The following DNAH5 variants were observed in gnomAD, a reference collection of about 807,000 sequenced individuals.
DNAH5 encodes dynein axonemal heavy chain 5.
Under a neutral mutation model 518.2 loss-of-function variants are expected in DNAH5, and 372 were observed. That is an observed-to-expected ratio of 0.72 (90% CI 0.66 to 0.78). The LOEUF (loss-of-function observed/expected upper bound fraction) is 0.78, where lower values mean the gene tolerates loss of function less well. Ranked by LOEUF, DNAH5 falls within the 30% of genes least tolerant of loss-of-function variation. The probability of loss-of-function intolerance (pLI) is 0.00; values close to 1 mark genes in which losing one functional copy is unlikely to be tolerated. For missense variants in DNAH5, 5,523 were observed against 5,687.0 expected (o/e 0.97, Z 0.93); for synonymous variants, 2,039 against 2,025.9 (o/e 1.01, Z -0.17).
At chr5:13,804,640 T>C (rs1225178004) in intron 47 of DNAH5, among the ~76,000 whole-genome samples, 2 of 152,206 alleles carry the variant, frequency 1.3e-5, no homozygotes, top group African/African-American at 2.4e-5. Flanking sequence ...GAGTGGATGA[T>C]CCTGTGATGC....
intron 29 of DNAH5, among the ~76,000 whole-genome samples, chr5:13,862,021 G>A (rs1039516254): frequency 4.3e-5 from 6 of 139,400 alleles, no homozygotes; most frequent in South Asian, 4.7e-4. Flanking sequence ...ATAAAAAATA[G>A]AGTATGTAAA....
At chr5:13,983,520 C>T (rs758968351) in intron 1 of DNAH5, among the ~76,000 whole-genome samples, 6 of 152,310 alleles carry the variant, frequency 3.9e-5, no homozygotes, top group Admixed American at 6.5e-5. Flanking sequence ...ATCAGTGTGA[C>T]GATGCTGCCC....
chr5:13,944,229 C>G (rs977863031), intron 1 of DNAH5, among the ~76,000 whole-genome samples, 153 bp downstream of exon 1: 1 of 152,160 alleles, frequency 6.6e-6, no homozygotes, highest in African/African-American at 2.4e-5. Context: ...AATATGTAGC[C>G]TATGCACCAG....
chr5:13,705,274 T>C (rs1298540894), intron 76 of DNAH5, among the ~76,000 whole-genome samples: 1 of 152,308 alleles, frequency 6.6e-6, no homozygotes, highest in East Asian at 1.9e-4. Context: ...ATTACAGGCA[T>C]GAGCCACTGC....
intron 35 of DNAH5, among the ~76,000 whole-genome samples, chr5:13,835,761 C>A (rs1358972699): frequency 6.6e-6 from 1 of 152,082 alleles, no homozygotes; most frequent in Admixed American, 6.5e-5. Context: ...GAGCACCCCT[C>A]CCTCTGTCTC....
At chr5:13,722,395 G>C (rs1468999525) in intron 70 of DNAH5, among the ~76,000 whole-genome samples, 1 of 152,168 alleles carries the variant, frequency 6.6e-6, no homozygotes, top group Non-Finnish European at 1.5e-5. Flanking sequence ...CTTACAAATT[G>C]GTGCGATGTT....
chr5:13,879,423 T>A (rs1487141622), intron 21 of DNAH5, among the ~76,000 whole-genome samples: 3 of 152,122 alleles, frequency 2.0e-5, no homozygotes, highest in African/African-American at 7.2e-5. Flanking sequence ...TAAGTCAAAC[T>A]ATTCTAAGTA....
intron 2 of DNAH5, among the ~76,000 whole-genome samples, chr5:13,929,365 G>A (rs1168855607): frequency 6.6e-6 from 1 of 152,170 alleles, no homozygotes; most frequent in Non-Finnish European, 1.5e-5. Flanking sequence ...GTAGTTTAAT[G>A]GGTACAGCGT....
chr5:13,694,248 T>A (rs1741069217), intron 78 of DNAH5, among the ~76,000 whole-genome samples: 1 of 152,242 alleles, frequency 6.6e-6, no homozygotes. Flanking sequence ...AATAATTTTC[T>A]GAAATATTTA....
chr5:13,708,107 G>A lies in DNAH5; in HGVS notation c.13338+16C>T, dbSNP rs115271897. The A allele has an allele frequency of 1.8e-3, 2,980 of 1,612,412 alleles. 39 individuals are homozygous for A. The African/African-American group carries it at 0.032, about 17-fold the overall frequency. On this transcript the variant is annotated intron_variant, in intron 76 of 78. Transcript: ENST00000265104. Reference sequence around the variant, plus strand: ...TCATAAGTGAACAGGCAGAATAACAGCAGGCTTATACGTACTTTTTTCCAC... The same window carrying A: ...TCATAAGTGAACAGGCAGAATAACAACAGGCTTATACGTACTTTTTTCCAC...
rs747335816 is a variant in DNAH5, at chr5:13,751,233, C to T, written c.11056G>A (p.Val3686Met). 11 of 1,613,626 alleles carry T rather than the reference C, an allele frequency of 6.8e-6. No homozygotes were observed. The highest frequency in any genetic ancestry group is 1.7e-4 in the Middle Eastern group (1 of 6,022). Reference sequence around the variant, plus strand: ...ATGTAGAGTCTAAAGCCATCCAACACATCTACTTCCTTGTCACCAACTTTC... The same window carrying T: ...ATGTAGAGTCTAAAGCCATCCAACATATCTACTTCCTTGTCACCAACTTTC... ...KVKVGDKEVDVLDGFRLYITT... is the reference protein window; with the variant it reads ...KVKVGDKEVDMLDGFRLYITT... The change falls in exon 65 of 79, where the codon GTG (valine) becomes ATG (methionine). Residue 3686 changes from valine to methionine, a missense_variant. Around this residue, in one of 3 missense-constraint regions of DNAH5, gnomAD observed 5,121 missense variants for 5,223.3 expected, o/e 0.98. Transcript: ENST00000265104.
chr5:13,762,134 A>G (rs1751869728), intron 60 of DNAH5, among the ~76,000 whole-genome samples: 1 of 152,222 alleles, frequency 6.6e-6, no homozygotes, highest in African/African-American at 2.4e-5. Context: ...TTTTAATGGT[A>G]GAGGAATATG....
chr5:13,951,635 A>G (rs1240684037), intron 1 of DNAH5, among the ~76,000 whole-genome samples: 1 of 152,128 alleles, frequency 6.6e-6, no homozygotes, highest in Non-Finnish European at 1.5e-5. Flanking sequence ...GGTTTTGAAG[A>G]CATCAAGCAG....
At chr5:13,820,027 G>A (rs758515576) in intron 41 of DNAH5, among the ~76,000 whole-genome samples, 14 of 152,052 alleles carry the variant, frequency 9.2e-5, no homozygotes, top group African/African-American at 1.2e-4. Flanking sequence ...GACCGTGGGC[G>A]TTTTTGAATT....
Position 13,865,891 on chromosome 5 carries a change from T to C in DNAH5, c.4132A>G (p.Ile1378Val). Residue 1378 changes from isoleucine to valine, a missense_variant, in exon 27 of 79, where the codon ATC (isoleucine) becomes GTC (valine). Ile to Val is a conservative substitution (Grantham distance 29). Around this residue, in one of 3 missense-constraint regions of DNAH5, gnomAD observed 5,121 missense variants for 5,223.3 expected, o/e 0.98. Coordinates refer to ENST00000265104, the MANE Select transcript of DNAH5 (RefSeq NM_001369.3). ...GTATATGTGATGTATTTCCGATAGA[T>C]ATTATCAAATTGATTCTAATAAAAA... is the stretch of plus-strand genomic sequence containing the variant. ...LIMFQNQFDN[I>V]YRKYITYTGG... 6.3e-7 allele frequency: 1 copy of C among 1,596,520 alleles called. No individual in the cohort carries two copies.
intron 5 of DNAH5, among the ~76,000 whole-genome samples, chr5:13,921,670 TCTC>T (rs1777306470): frequency 6.6e-6 from 1 of 151,152 alleles, no homozygotes; most frequent in Non-Finnish European, 1.5e-5. Flanking sequence ...TCAGACTTGC[TCTC>T]TCCAAACATA....
chr5:13,773,707 C>T (rs767595106), intron 55 of DNAH5, among the ~76,000 whole-genome samples: 3 of 152,050 alleles, frequency 2.0e-5, no homozygotes, highest in Non-Finnish European at 2.9e-5. Flanking sequence ...CAATGAGGTA[C>T]ATAAATTACA....
In DNAH5 at chr5:13,829,682, T is replaced by C. The variant is rs763205108; in HGVS notation, c.6272A>G (p.Gln2091Arg). ...AATCTTCAAGTTTTCAGGGAGTTCC[T>C]GCCGTCCGGCATAGCCAGGATTCTA... ...LTMNPGYAGR[Q>R]ELPENLKINF... The change falls in exon 38 of 79, where the codon CAG (glutamine) becomes CGG (arginine). Residue 2091 changes from glutamine (Q) to arginine (R), a missense_variant. Physicochemically the swap from Gln to Arg is conservative, Grantham distance 43 (BLOSUM62 1). Coordinates refer to ENST00000265104, the MANE Select transcript of DNAH5 (RefSeq NM_001369.3). The C allele has an allele frequency of 6.2e-7, 1 of 1,614,178 alleles. No homozygotes were observed. Among genetic ancestry groups the C allele is most frequent in the South Asian group, 1.1e-5 (1 of 91,084 alleles).
At chr5:13,892,237 G>T (rs6863220) in intron 16 of DNAH5, among the ~76,000 whole-genome samples, 90,693 of 152,050 alleles carry the variant, frequency 0.6, 27,659 homozygotes, top group African/African-American at 0.71. Flanking sequence ...AATTCTCTAC[G>T]CTTTCTAACG....
Sources: gnomAD v4.1 joint callset for allele counts (sites outside exome capture counted in the v4.1 genomes callset) on GRCh38, gnomAD v4.1.1 for gene constraint, gnomAD v4.1.1 regional missense constraint, MANE v1.5 for transcripts, NCBI Gene and HGNC (gene_info 2026-07-23, HGNC 2026-07-21) for gene names.